The following DPEP1 variants were observed in gnomAD, a reference collection of about 807,000 sequenced individuals.
DPEP1 encodes beta-lactamase.
In DPEP1, 50 loss-of-function variants were observed where a neutral mutation model predicts 42.3. That is an observed-to-expected ratio of 1.18 (90% CI 0.94 to 1.50). DPEP1 has a LOEUF of 1.50. Ranked by LOEUF, DPEP1 falls within the 40% of genes most tolerant of loss-of-function variation. The pLI, the probability that DPEP1 is intolerant of heterozygous loss-of-function variation, is 0.00. For synonymous variants in DPEP1, 297 were observed against 234.0 expected (o/e 1.27, Z -2.46); for missense variants, 663 against 553.0 (o/e 1.20, Z -1.99).
At chr16:89,619,916 A>G (rs570092370) in intron 1 of DPEP1, among the ~76,000 whole-genome samples, 119 of 115,812 alleles carry the variant, frequency 1.0e-3, no homozygotes, top group African/African-American at 3.8e-3. Context: ...TCAGACTCCA[A>G]GGGCCCCTGT....
At chr16:89,638,667 GCACACACACACACACCCCACCCCTGCA>G (rs1597778377), downstream of DPEP1, among the ~76,000 whole-genome samples, 4 of 132,116 alleles carry the variant, frequency 3.0e-5, no homozygotes, top group East Asian at 2.3e-4. Flanking sequence ...CCCCACCCCT[GCACACACACACACACCCCACCCCTGCA>G]CACACACACA....
At chr16:89,618,697 T>C (rs2059406266) in intron 1 of DPEP1, among the ~76,000 whole-genome samples, 1 of 152,060 alleles carries the variant, frequency 6.6e-6, no homozygotes, top group Non-Finnish European at 1.5e-5. Context: ...GAGGTCTCCT[T>C]GTGTTGCCCC....
At chr16:89,617,988 C>T (rs913963926) in intron 1 of DPEP1, among the ~76,000 whole-genome samples, 1 of 152,096 alleles carries the variant, frequency 6.6e-6, no homozygotes, top group African/African-American at 2.4e-5. Context: ...TGTGCCCCTG[C>T]ACTCCATCCT....
intron 1 of DPEP1, among the ~76,000 whole-genome samples, chr16:89,621,701 G>A (rs1047103936): frequency 1.3e-5 from 2 of 152,218 alleles, no homozygotes; most frequent in Non-Finnish European, 2.9e-5. Flanking sequence ...GTGCGCGTGT[G>A]CGGCTCACCT....
chr16:89,623,312 C>G (rs1200489152), intron 1 of DPEP1, among the ~76,000 whole-genome samples: 3 of 151,944 alleles, frequency 2.0e-5, no homozygotes, highest in East Asian at 3.9e-4. Context: ...AATGCTCATG[C>G]CTTCCGGCTT....
At position 89,637,917 on chromosome 16, in the gene DPEP1, G is replaced by A. The variant is rs1029184074; in HGVS notation, c.1011G>A (p.Glu337=). 6.2e-7 allele frequency: 1 copy of A among 1,611,902 alleles called. No homozygotes were observed. Among genetic ancestry groups the A allele is most frequent in the Non-Finnish European group, 8.5e-7 (1 of 1,179,540 alleles). The part of the protein sequence containing the change: ...ELLRRNWTEA[E]VKGALADNLL... ...TCAGGAGGAACTGGACGGAGGCGGAGGTCAAGGGCGCACTGGCTGACAACC... is the reference window on the plus strand; with the variant it reads ...TCAGGAGGAACTGGACGGAGGCGGAAGTCAAGGGCGCACTGGCTGACAACC... The change falls in exon 10 of 11, where the codon GAG becomes GAA. Residue 337 remains glutamate, a synonymous_variant. Transcript: ENST00000690203.
Position 89,624,418 on chromosome 16 carries a change from A to G in DPEP1, c.-106-5887A>G, listed in dbSNP as rs144717234. ...TCGGCGTTTGAACAAAGAAGTGGACAAAACGTGCAAAGTAACGAACAAAAC... is the reference window on the plus strand; with the variant it reads ...TCGGCGTTTGAACAAAGAAGTGGACGAAACGTGCAAAGTAACGAACAAAAC... On this transcript the variant is annotated intron_variant, in intron 1 of 10. Coordinates refer to ENST00000690203, the MANE Select transcript of DPEP1 (RefSeq NM_001389466.1). Among the ~76,000 whole-genome samples, 194 of 152,316 alleles carry G rather than the reference A, an allele frequency of 1.3e-3. 1 individual carries two copies. The East Asian group carries it at 0.028, about 22-fold the overall frequency.
At chr16:89,620,446 C>G (rs1157728466) in intron 1 of DPEP1, 2 of 152,344 alleles carry the variant, frequency 1.3e-5, no homozygotes, top group East Asian at 3.9e-4. Context: ...GGGTGATCAC[C>G]CAGCACAAGC....
intron 1 of DPEP1, among the ~76,000 whole-genome samples, chr16:89,625,195 C>A (rs1181889561): frequency 6.6e-6 from 1 of 152,034 alleles, no homozygotes; most frequent in Non-Finnish European, 1.5e-5. Flanking sequence ...AGGAAGTCAG[C>A]ACAAATTAGC....
At chr16:89,618,918 T>TGCTCCCTCCCTGCAGCCCCCTGCCCCCCC (rs1567979765) in intron 1 of DPEP1, among the ~76,000 whole-genome samples, 1 of 146,618 alleles carries the variant, frequency 6.8e-6, no homozygotes. Flanking sequence ...TTGCCCTCCC[T>TGCTCCCTCCCTGCAGCCCCCTGCCCCCCC]GCTCCCTCCC....
rs1170719966 is a variant in DPEP1, at chr16:89,634,785, TCCCTTCCTTCTCCTTTC to T, written c.105-1112_105-1096del. Among the ~76,000 whole-genome samples, 8 of 41,152 alleles carry T rather than the reference TCCCTTCCTTCTCCTTTC, an allele frequency of 1.9e-4. 1 individual carries two copies. Among genetic ancestry groups the T allele is most frequent in the African/African-American group, 6.0e-4 (8 of 13,318 alleles). The allele number at this position is 41,152 out of a possible 152,430, so 27.0% of individuals were successfully genotyped here. On this transcript the variant is annotated intron_variant, in intron 2 of 10. Coordinates refer to ENST00000690203, the MANE Select transcript of DPEP1 (RefSeq NM_001389466.1). ...CTTCTCCTTTCCCTTCCTTCTCCTT[TCCCTTCCTTCTCCTTTC>T]CCCTTCCTTCCCTTTCCCCTTCCTT...
chr16:89,641,029 GGA>G (rs536042892), downstream of DPEP1, among the ~76,000 whole-genome samples: 22 of 151,946 alleles, frequency 1.4e-4, no homozygotes, highest in Non-Finnish European at 2.9e-4. Flanking sequence ...CAGCCGAGGC[GGA>G]GAGAGAGAGA....
intron 1 of DPEP1, among the ~76,000 whole-genome samples, chr16:89,620,234 C>T (rs923397541): frequency 6.6e-6 from 1 of 152,108 alleles, no homozygotes; most frequent in African/African-American, 2.4e-5. Flanking sequence ...ACTCCGGGGC[C>T]AGGGTCAGTG....
At chr16:89,619,814 A>G (rs9673179) in intron 1 of DPEP1, among the ~76,000 whole-genome samples, 76 of 204 alleles carry the variant, frequency 0.37, 28 homozygotes, top group East Asian at 0.88. Flanking sequence ...TGTGCCCCCC[A>G]CTCCCCTCTC....
chr16:89,614,942 C>T (rs1047733620), intron 1 of DPEP1, among the ~76,000 whole-genome samples: 5 of 152,282 alleles, frequency 3.3e-5, no homozygotes, highest in African/African-American at 9.6e-5. Flanking sequence ...GAACCTACTT[C>T]GGCCAATGGC....
intron 5 of DPEP1, 34 bp from the exon 6 acceptor site, chr16:89,636,832 T>C (rs755527420): frequency 6.2e-7 from 1 of 1,611,306 alleles, no homozygotes; most frequent in Admixed American, 1.7e-5. Flanking sequence ...AGACCACCGC[T>C]CACCTCTTGG....
intron 2 of DPEP1, among the ~76,000 whole-genome samples, chr16:89,632,059 T>C (rs897776196): frequency 6.6e-6 from 1 of 152,138 alleles, no homozygotes; most frequent in Non-Finnish European, 1.5e-5. Context: ...TTGTTTTGTT[T>C]TGAGACAGAG....
intron 1 of DPEP1, among the ~76,000 whole-genome samples, chr16:89,618,909 T>G (rs1481887451): frequency 6.6e-6 from 1 of 150,814 alleles, no homozygotes; most frequent in African/African-American, 2.4e-5. Context: ...TCCGGAGGGT[T>G]GCCCTCCCTG....
At chr16:89,627,887 T>TCGTG (rs2059536847) in intron 1 of DPEP1, among the ~76,000 whole-genome samples, 1 of 151,702 alleles carries the variant, frequency 6.6e-6, no homozygotes, top group African/African-American at 2.4e-5. Flanking sequence ...CTCAAACTCC[T>TCGTG]AACCTCGTGA....
Sources: allele counts gnomAD v4.1 joint callset (sites outside exome capture counted in the v4.1 genomes callset), GRCh38; gene constraint gnomAD v4.1.1; transcripts MANE v1.5; gene names NCBI Gene and HGNC (gene_info 2026-07-23, HGNC 2026-07-21).